Variants in RPS6KA2 observed in about 807,000 individuals in gnomAD.
RPS6KA2 encodes ribosomal protein S6 kinase alpha-2.
A neutral mutation model predicts 91.8 loss-of-function variants in RPS6KA2; 42 were observed. That is an observed-to-expected ratio of 0.46 (90% confidence interval 0.36 to 0.59). The LOEUF (loss-of-function observed/expected upper bound fraction) is 0.59. Among genes scored for constraint, RPS6KA2 ranks in the 20% least tolerant of loss-of-function variants. The pLI is 0.00. For missense variants in RPS6KA2, 798 were observed against 978.5 expected (o/e 0.82, Z 2.46); for synonymous variants, 414 against 393.6 (o/e 1.05, Z -0.61).
intron 1 of RPS6KA2, among the ~76,000 whole-genome samples, chr6:166,861,257 T>C (rs535141656): frequency 1.3e-5 from 2 of 152,336 alleles, no homozygotes; most frequent in Admixed American, 6.5e-5. Flanking sequence ...GAGTAGGAGA[T>C]AGGCAAAAAT....
intron 2 of RPS6KA2, among the ~76,000 whole-genome samples, chr6:166,712,495 T>C (rs1281068957): frequency 6.6e-6 from 1 of 152,250 alleles, no homozygotes; most frequent in African/African-American, 2.4e-5. Flanking sequence ...CAGCTATTCC[T>C]TTCATTATCT....
intron 2 of RPS6KA2, among the ~76,000 whole-genome samples, chr6:166,769,650 T>G (rs1472317512): frequency 6.6e-6 from 1 of 152,178 alleles, no homozygotes; most frequent in Non-Finnish European, 1.5e-5. Context: ...CAGACCCAGA[T>G]AGTAGTACCA....
At chr6:166,467,277 A>T (rs1408605511) in intron 11 of RPS6KA2, among the ~76,000 whole-genome samples, 1 of 152,188 alleles carries the variant, frequency 6.6e-6, no homozygotes, top group Non-Finnish European at 1.5e-5. Context: ...GGATTCATAA[A>T]GTGCCTCCTT....
At chr6:166,521,354 C>T (rs55665778) in intron 3 of RPS6KA2, among the ~76,000 whole-genome samples, 12,406 of 152,262 alleles carry the variant, frequency 0.081, 635 homozygotes, top group East Asian at 0.17. Context: ...GGGGCAGAAC[C>T]GCCAACTCGT....
At chr6:166,564,281 C>T (rs889880352) in intron 1 of RPS6KA2, among the ~76,000 whole-genome samples, 4 of 152,216 alleles carry the variant, frequency 2.6e-5, no homozygotes, top group Non-Finnish European at 4.4e-5. Context: ...AAATCCTTAC[C>T]GTTTCTGCCT....
At chr6:166,444,439 C>T (rs1040152586) in intron 14 of RPS6KA2, among the ~76,000 whole-genome samples, 1 of 152,188 alleles carries the variant, frequency 6.6e-6, no homozygotes, top group Admixed American at 6.5e-5. Flanking sequence ...GATTACTTAG[C>T]TGTTTTGTCC....
In RPS6KA2 at chr6:166,430,465, G is replaced by T. The variant is rs772464934; in HGVS notation, c.1569C>A (p.Leu523=). 4.3e-6 allele frequency: 7 copies of T among 1,612,764 alleles called. 1 individual carries two copies. The South Asian group carries it at 7.7e-5, about 18-fold the overall frequency. ...GCATGGCTCCTACCCCCTGGGAATGGAGGTAGTCCATGGTCTTGGTGATGG... is the reference window on the plus strand; with the variant it reads ...GCATGGCTCCTACCCCCTGGGAATGTAGGTAGTCCATGGTCTTGGTGATGG... ...LCTITKTMDY[L]HSQGVVHRDL... is the part of the protein sequence containing the mutation. Residue 523 remains leucine, a synonymous_variant, in exon 16 of 21, where the codon CTC becomes CTA. Transcript: ENST00000265678.
At chr6:166,722,742 G>A (rs9459727) in intron 2 of RPS6KA2, among the ~76,000 whole-genome samples, 1,768 of 152,340 alleles carry the variant, frequency 0.012, 47 homozygotes, top group African/African-American at 0.039. Flanking sequence ...GCTTCTCCAC[G>A]TGAAGCAAAT....
chr6:166,670,564 GTGATTAGTCTTCAA>G (rs1788442649), intron 2 of RPS6KA2, among the ~76,000 whole-genome samples: 1 of 152,040 alleles, frequency 6.6e-6, no homozygotes, highest in South Asian at 2.1e-4. Flanking sequence ...ACACTTTGAA[GTGATTAGTCTTCAA>G]TGAGTATCCC....
chr6:166,621,193 A>C (rs1009683265), intron 1 of RPS6KA2, among the ~76,000 whole-genome samples: 5 of 152,270 alleles, frequency 3.3e-5, no homozygotes, highest in African/African-American at 1.2e-4. Context: ...TAACATATGC[A>C]AATGACTGCA....
At chr6:166,592,279 G>A (rs1345220812) in intron 1 of RPS6KA2, among the ~76,000 whole-genome samples, 2 of 152,178 alleles carry the variant, frequency 1.3e-5, no homozygotes, top group African/African-American at 4.8e-5. Flanking sequence ...CTTCTGATGG[G>A]TGCACCTCAG....
chr6:166,807,883 T>A (rs994340007), intron 2 of RPS6KA2, among the ~76,000 whole-genome samples: 1 of 152,162 alleles, frequency 6.6e-6, no homozygotes, highest in Non-Finnish European at 1.5e-5. Flanking sequence ...CCTGCCGCAC[T>A]GATTTCTGCC....
chr6:166,793,956 T>C (rs1462434352), intron 2 of RPS6KA2, among the ~76,000 whole-genome samples: 5 of 145,904 alleles, frequency 3.4e-5, no homozygotes, highest in Non-Finnish European at 7.6e-5. Flanking sequence ...AAGGACTTCA[T>C]GTCCAAAACA....
intron 2 of RPS6KA2, among the ~76,000 whole-genome samples, chr6:166,806,343 C>T (rs953408877): frequency 6.6e-6 from 1 of 152,048 alleles, no homozygotes; most frequent in Non-Finnish European, 1.5e-5. Flanking sequence ...AACTGTTGAA[C>T]AACAAAGGCA....
At chr6:166,464,416 A>G (rs9459677) in intron 11 of RPS6KA2, among the ~76,000 whole-genome samples, 44,603 of 152,150 alleles carry the variant, frequency 0.29, 8,573 homozygotes, top group African/African-American at 0.55. Context: ...AGTATTGATC[A>G]TGAATAACGA....
chr6:166,797,648 G>C (rs989340032), intron 2 of RPS6KA2, among the ~76,000 whole-genome samples: 2 of 152,058 alleles, frequency 1.3e-5, no homozygotes, highest in South Asian at 4.2e-4. Context: ...GTCCAGGCAG[G>C]GGGTGCTGAC....
rs535184366 is a variant in RPS6KA2, at chr6:166,789,418, T to C, written c.123+68782A>G. 1.1e-3 allele frequency among the ~76,000 whole-genome samples: 172 copies of C among 152,380 alleles called. 1 individual carries two copies. Among genetic ancestry groups the C allele is most frequent in the African/African-American group, 3.9e-3 (163 of 41,594 alleles). On this transcript the variant is annotated intron_variant, in intron 2 of 21. Transcript: ENST00000503859. ...AAGGAGGCCGGCCTGCCTGCCTCTG[T>C]AGGCTCCGCCTCTGGGGGCAGGGCA... is the stretch of plus-strand genomic sequence containing the variant.
In RPS6KA2 at chr6:166,542,492, G is replaced by A. The variant is rs564130143; in HGVS notation, c.100-3708C>T. 2.6e-5 allele frequency: 4 copies of A among 152,114 alleles called. No homozygotes were observed. In the East Asian group the frequency reaches 5.8e-4, roughly 22 times the overall value. 9.4% of individuals were successfully genotyped at this position (152,114 alleles called of 1,614,324 possible). The stretch of plus-strand genomic sequence containing the variant: ...TGAGAGCTTTGGGAGGAGGAGCTGG[G>A]ACGGTGATCAGGTGCTAGCTCCATA... On this transcript the variant is annotated intron_variant, in intron 1 of 20. Coordinates refer to ENST00000265678, the MANE Select transcript of RPS6KA2 (RefSeq NM_021135.6).
At chr6:166,618,999 C>T (rs553928854) in intron 1 of RPS6KA2, among the ~76,000 whole-genome samples, 1 of 150,232 alleles carries the variant, frequency 6.7e-6, no homozygotes. Flanking sequence ...GGGCTCCAAT[C>T]GATGCCATCA....
Sources: allele counts gnomAD v4.1 joint callset (sites outside exome capture counted in the v4.1 genomes callset), GRCh38; gene constraint gnomAD v4.1.1; transcripts MANE v1.5; gene names NCBI Gene and HGNC (gene_info 2026-07-23, HGNC 2026-07-21).